POLR3C: variants seen among roughly 807,000 people sequenced by gnomAD.
POLR3C encodes the protein RNA polymerase III subunit C.
A neutral mutation model predicts 65.9 loss-of-function variants in POLR3C; 44 were observed. The ratio of observed to expected loss-of-function variants is 0.67; its 90% CI spans 0.52 to 0.86. The LOEUF is 0.86. Among genes scored for constraint, POLR3C ranks in the 40% least tolerant of loss-of-function variants. POLR3C has a pLI of 0.00. For synonymous variants in POLR3C, 263 were observed against 231.6 expected (o/e 1.14, Z -1.23); for missense variants, 576 against 653.2 (o/e 0.88, Z 1.29).
At chr1:145,828,445 G>A (rs1312964676) in intron 4 of POLR3C, among the ~76,000 whole-genome samples, 3 of 152,116 alleles carry the variant, frequency 2.0e-5, no homozygotes, top group Non-Finnish European at 4.4e-5. Flanking sequence ...AAAGAGAGAG[G>A]GTGAAGGAAA....
rs2101661314 is a variant in POLR3C, at chr1:145,842,490, A to G, written c.*70A>G. On this transcript the variant is annotated 3_prime_UTR_variant, in exon 15 of 15. Coordinates refer to ENST00000334163, the MANE Select transcript of POLR3C (RefSeq NM_006468.8). ...CAAAATAAAGGAGGTGCCTGGATGC[A>G]TTATTTGCAGTGGGATAAGTCGCAG... The G allele has an allele frequency of 9.8e-7, 1 of 1,018,610 alleles. No individual in the cohort carries two copies. Among genetic ancestry groups the G allele is most frequent in the African/African-American group, 1.6e-5 (1 of 63,894 alleles). The allele number at this position is 1,018,610 out of a possible 1,614,324, so 63.1% of individuals were successfully genotyped here. A position where few individuals can be genotyped will look rare whatever the true frequency, so the allele number is the denominator to read the frequency against.
chr1:145,831,451 G>T (rs749500495), intron 5 of POLR3C, among the ~76,000 whole-genome samples: 19 of 151,168 alleles, frequency 1.3e-4, no homozygotes, highest in Admixed American at 4.0e-4. Flanking sequence ...GGGGGCAGAG[G>T]TTGCAGTGAG....
At chr1:145,836,699 C>G (rs1651878911) in intron 8 of POLR3C, 116 bp from the exon 9 acceptor site, 1 of 939,652 alleles carries the variant, frequency 1.1e-6, no homozygotes, top group Non-Finnish European at 1.8e-6. Context: ...CAGACAATTT[C>G]TCCACATCAT....
At chr1:145,831,770 A>G (rs782052681) in intron 5 of POLR3C, among the ~76,000 whole-genome samples, 6 of 152,216 alleles carry the variant, frequency 3.9e-5, no homozygotes, top group Non-Finnish European at 8.8e-5. Context: ...GGCCAGGCCC[A>G]GTGGCTCACA....
rs58596799 is a variant in POLR3C at position 145,842,809 on chromosome 1, A to AGATAGATAGATAGATAGATAGATG, written c.*397_*398insGATAGATAGATAGATGGATAGATA. On this transcript the variant is annotated 3_prime_UTR_variant, in exon 15 of 15. Coordinates refer to ENST00000334163, the MANE Select transcript of POLR3C (RefSeq NM_006468.8). ...TGAGATAGGTGATAGATAGATAGAT[A>AGATAGATAGATAGATAGATAGATG]GATAGATAATTTGTTGTTGTTGAGA... is the stretch of plus-strand genomic sequence containing the variant. 6.6e-6 allele frequency among the ~76,000 whole-genome samples: 1 copy of AGATAGATAGATAGATAGATAGATG among 151,806 alleles called. No individual in the cohort carries two copies. Among genetic ancestry groups the AGATAGATAGATAGATAGATAGATG allele is most frequent in the African/African-American group, 2.4e-5 (1 of 41,172 alleles).
In POLR3C at chr1:145,826,904, T is replaced by G; in HGVS notation, c.488T>G (p.Val163Gly). 6.2e-7 allele frequency: 1 copy of G among 1,613,124 alleles called. No homozygotes were observed. Among genetic ancestry groups the G allele is most frequent in the Non-Finnish European group, 8.5e-7 (1 of 1,179,724 alleles). Residue 163 changes from valine (V) to glycine (G), a missense_variant, in exon 4 of 15, where the codon GTA (valine) becomes GGA (glycine). By Grantham distance (109) the Val-to-Gly change is moderately radical. Coordinates refer to ENST00000334163, the MANE Select transcript of POLR3C (RefSeq NM_006468.8). The part of the protein sequence containing the change: ...DTHFVQRCPS[V>G]PTTENSDPGP... ...CACTTTGTACAACGCTGCCCTTCGG[T>G]ACCTACCACTGAGAATTCAGACCCT...
intron 7 of POLR3C, among the ~76,000 whole-genome samples, chr1:145,835,166 AG>A (rs1470533780): frequency 1.3e-5 from 2 of 149,876 alleles, no homozygotes; most frequent in African/African-American, 4.9e-5. Flanking sequence ...AAAAAAAAAA[AG>A]GCCGGACGCA....
At chr1:145,842,283 T>A (rs587741879) in intron 14 of POLR3C, 56 bp from the exon 15 acceptor site, 1 of 1,093,950 alleles carries the variant, frequency 9.1e-7, no homozygotes, top group African/African-American at 1.5e-5. Flanking sequence ...TAACCTCTAA[T>A]CTTAAATATG....
chr1:145,825,769 C>G lies in POLR3C; in HGVS notation c.-8C>G. Reference sequence around the variant, plus strand: ...GTTTTTTCCCTAGCTCTCAGACTCCCCAGTACAATGACTCAAGCAGAAATT... The same window carrying G: ...GTTTTTTCCCTAGCTCTCAGACTCCGCAGTACAATGACTCAAGCAGAAATT... On this transcript the variant is annotated 5_prime_UTR_variant, in exon 2 of 15. Coordinates refer to ENST00000334163, the MANE Select transcript of POLR3C (RefSeq NM_006468.8). 1 of 1,611,512 alleles carries G rather than the reference C, an allele frequency of 6.2e-7. No individual in the cohort carries two copies. Among genetic ancestry groups the G allele is most frequent in the Middle Eastern group, 1.7e-4 (1 of 6,060 alleles).
intron 7 of POLR3C, among the ~76,000 whole-genome samples, chr1:145,835,840 C>T (rs1164462198): frequency 6.6e-6 from 1 of 152,152 alleles, no homozygotes; most frequent in Non-Finnish European, 1.5e-5. Flanking sequence ...TCTCAAAGTG[C>T]TGGCATTACA....
At chr1:145,824,522 C>T (rs1489064324) in intron 1 of POLR3C, 153 bp downstream of exon 1, 3 of 1,289,460 alleles carry the variant, frequency 2.3e-6, no homozygotes, top group Non-Finnish European at 3.0e-6. Context: ...AATGCTTCTC[C>T]AAAGATATGT....
In POLR3C at chr1:145,843,405, C is replaced by A. The variant is rs868966065; in HGVS notation, c.*985C>A. ...TTATAATATCTTCAGTTTTCTCTCA[C>A]CAATGTGTTTTCTAATTGTTTAAAC... On this transcript the variant is annotated 3_prime_UTR_variant, in exon 15 of 15. Coordinates refer to ENST00000334163, the MANE Select transcript of POLR3C (RefSeq NM_006468.8). 1.3e-5 allele frequency among the ~76,000 whole-genome samples: 2 copies of A among 152,170 alleles called. No homozygotes were observed. Among genetic ancestry groups the A allele is most frequent in the African/African-American group, 2.4e-5 (1 of 41,418 alleles).
chr1:145,843,528 T>C lies in POLR3C; in HGVS notation c.*1108T>C, dbSNP rs782130398. On this transcript the variant is annotated 3_prime_UTR_variant, in exon 15 of 15. Transcript: ENST00000334163. ...TCTGCCCTCAAGCCAGTCACCATCA[T>C]TTACTAAGCACCTGTTTTGTGCTAA... Among the ~76,000 whole-genome samples the C allele has an allele frequency of 1.3e-5, 2 of 152,158 alleles. No individual in the cohort carries two copies. Among genetic ancestry groups the C allele is most frequent in the Admixed American group, 6.5e-5 (1 of 15,270 alleles).
At position 145,836,794 on chromosome 1, in the gene POLR3C, ACT is replaced by A; in HGVS notation, c.958-14_958-13del. ...TCACTGGACTTTCCGTTCAGTTAAC[ACT>A]CTCTCTTTTTCTTAATAGCTAGAGT... On this transcript the variant is annotated intron_variant, in intron 8 of 14. Coordinates refer to ENST00000334163, the MANE Select transcript of POLR3C (RefSeq NM_006468.8). 2.6e-6 allele frequency: 4 copies of A among 1,528,022 alleles called. No homozygotes were observed. The Admixed American group carries it at 5.1e-5, about 20-fold the overall frequency. 94.7% of individuals were successfully genotyped at this position (1,528,022 alleles called of 1,614,324 possible). A position where few individuals can be genotyped will look rare whatever the true frequency, so the allele number is the denominator to read the frequency against.
At chr1:145,836,959 T>C in intron 9 of POLR3C, 93 bp downstream of exon 9, 1 of 646,294 alleles carries the variant, frequency 1.5e-6, no homozygotes, top group Non-Finnish European at 2.7e-6. Context: ...ATGTTTATTA[T>C]ACTAAATAAA....
intron 11 of POLR3C, chr1:145,839,631 A>C (rs946478031): frequency 5.7e-6 from 2 of 352,302 alleles, no homozygotes; most frequent in Admixed American, 8.9e-5. Context: ...TACTTGGGGG[A>C]CTGAGGTGGG....
At chr1:145,830,626 C>A (rs1299256444) in intron 5 of POLR3C, among the ~76,000 whole-genome samples, 5 of 151,690 alleles carry the variant, frequency 3.3e-5, no homozygotes, top group African/African-American at 1.2e-4. Flanking sequence ...TGGTGAAACC[C>A]CGTCTCTACT....
intron 11 of POLR3C, 63 bp from the exon 12 acceptor site, chr1:145,839,827 G>A: frequency 1.1e-6 from 1 of 883,502 alleles, no homozygotes. Flanking sequence ...TAGAATGAGT[G>A]TGTGCTTTGC....
chr1:145,835,261 A>G (rs899090176), intron 7 of POLR3C, among the ~76,000 whole-genome samples: 16 of 151,724 alleles, frequency 1.1e-4, no homozygotes, highest in Non-Finnish European at 7.4e-5. Context: ...ATAGTCCAAC[A>G]TGGTGAAACC....
Sources: gnomAD v4.1 joint callset for allele counts (sites outside exome capture counted in the v4.1 genomes callset) on GRCh38, gnomAD v4.1.1 for gene constraint, MANE v1.5 for transcripts, NCBI Gene and HGNC (gene_info 2026-07-23, HGNC 2026-07-21) for gene names.